The following NPR3 variants were observed in gnomAD, a reference collection of about 807,000 sequenced individuals.
NPR3 encodes atrial natriuretic peptide receptor 3.
A neutral mutation model predicts 54.5 loss-of-function variants in NPR3; 34 were observed. The observed-to-expected ratio is 0.62, with a 90% CI of 0.47 to 0.83. The LOEUF is 0.83. Among genes scored for constraint, NPR3 ranks in the 40% least tolerant of loss-of-function variants. NPR3 has a pLI of 0.00. For synonymous variants in NPR3, 289 were observed against 297.1 expected (o/e 0.97, Z 0.28); for missense variants, 674 against 720.8 (o/e 0.94, Z 0.74).
In NPR3 at chr5:32,766,316, G is replaced by GA. The variant is rs1741471657; in HGVS notation, c.1060-8386dup. Among the ~76,000 whole-genome samples the GA allele has an allele frequency of 2.6e-5, 4 of 152,236 alleles. No homozygotes were observed. The South Asian group carries it at 8.3e-4, about 32-fold the overall frequency. ...CAGCTCATGTTCCACTAGTGTGGAC[G>GA]AAAAAATAATATCTGAAAAACACAA... is the stretch of plus-strand genomic sequence containing the variant. On this transcript the variant is annotated intron_variant, in intron 3 of 7. Transcript: ENST00000265074.
At chr5:32,758,775 A>G (rs1740990357) in intron 3 of NPR3, among the ~76,000 whole-genome samples, 1 of 152,152 alleles carries the variant, frequency 6.6e-6, no homozygotes, top group Non-Finnish European at 1.5e-5. Context: ...AGTGCTTTAA[A>G]TGTGTCCCAA....
intron 2 of NPR3, among the ~76,000 whole-genome samples, chr5:32,734,365 T>C (rs537865639): frequency 6.6e-6 from 1 of 152,372 alleles, no homozygotes; most frequent in East Asian, 1.9e-4. Flanking sequence ...GAAAATTTAC[T>C]ATGTGCTAGG....
At chr5:32,737,224 T>C (rs959798653) in intron 2 of NPR3, among the ~76,000 whole-genome samples, 1 of 152,188 alleles carries the variant, frequency 6.6e-6, no homozygotes, top group African/African-American at 2.4e-5. Flanking sequence ...CTCTACTCTG[T>C]GTTGTTTCTT....
intron 1 of NPR3, chr5:32,716,793 C>T: frequency 6.5e-6 from 1 of 153,578 alleles, no homozygotes; most frequent in Non-Finnish European, 1.4e-5. Context: ...TGCTTAATTT[C>T]CTATGGATTT....
Position 32,764,120 on chromosome 5 carries a change from C to T in NPR3, c.1060-10588C>T, listed in dbSNP as rs142325790. On this transcript the variant is annotated intron_variant, in intron 3 of 7. Coordinates refer to ENST00000265074, the MANE Select transcript of NPR3 (RefSeq NM_001204375.2). The stretch of plus-strand genomic sequence containing the variant: ...AGAGGGCAGCAGTTCAGATGTTCCT[C>T]AGCTTCTCAGCCTACCCTCTTTCTA... Among the ~76,000 whole-genome samples the T allele has an allele frequency of 2.6e-3, 398 of 152,322 alleles. 1 individual carries two copies. Among genetic ancestry groups the T allele is most frequent in the African/African-American group, 9.2e-3 (383 of 41,580 alleles).
chr5:32,775,153 G>A (rs1356580399), intron 4 of NPR3, among the ~76,000 whole-genome samples: 1 of 152,176 alleles, frequency 6.6e-6, no homozygotes, highest in Non-Finnish European at 1.5e-5. Context: ...GTTCTGTGAT[G>A]AGTTTTAAAA....
chr5:32,737,616 G>A (rs1739817050), intron 2 of NPR3, among the ~76,000 whole-genome samples: 1 of 152,090 alleles, frequency 6.6e-6, no homozygotes, highest in Admixed American at 6.5e-5. Context: ...AGCTCTCCAG[G>A]AATCATAACA....
intron 3 of NPR3, among the ~76,000 whole-genome samples, chr5:32,740,585 C>G (rs1293385540): frequency 6.6e-6 from 1 of 150,386 alleles, no homozygotes; most frequent in Non-Finnish European, 1.5e-5. Flanking sequence ...TTAAAATTTT[C>G]TAGTTGACAT....
chr5:32,695,132 A>C (rs1426333123), intron 1 of NPR3, among the ~76,000 whole-genome samples: 1 of 152,190 alleles, frequency 6.6e-6, no homozygotes, highest in East Asian at 1.9e-4. Flanking sequence ...GTTACTTCTC[A>C]ATCTTCGCTA....
chr5:32,709,267 G>C (rs1196843036), upstream of NPR3: 9 of 152,106 alleles, frequency 5.9e-5, no homozygotes, highest in African/African-American at 2.2e-4. Context: ...CTACCACTGT[G>C]GCCAGTGGTA....
At chr5:32,739,998 A>G (rs1247964745) in intron 3 of NPR3, among the ~76,000 whole-genome samples, 4 of 152,196 alleles carry the variant, frequency 2.6e-5, no homozygotes, top group African/African-American at 9.7e-5. Flanking sequence ...CTCCAAGTTC[A>G]GCCCCCTGAG....
rs1453707866 is a variant in NPR3 at position 32,787,190 on chromosome 5, A to G, written c.*845A>G. 1.3e-5 allele frequency: 2 copies of G among 152,656 alleles called. No homozygotes were observed. Among genetic ancestry groups the G allele is most frequent in the Admixed American group, 1.3e-4 (2 of 15,278 alleles). The allele number at this position is 152,656 out of a possible 1,614,324, so 9.5% of individuals were successfully genotyped here. A position where few individuals can be genotyped will look rare whatever the true frequency, so the allele number is the denominator to read the frequency against. On this transcript the variant is annotated 3_prime_UTR_variant, in exon 8 of 8. Coordinates refer to ENST00000265074, the MANE Select transcript of NPR3 (RefSeq NM_001204375.2). ...TACAACAAACCAATAATGATAAAAA[A>G]TACTTCTCTTTTTCTCCCTGTTTCC... is the stretch of plus-strand genomic sequence containing the variant.
intron 3 of NPR3, among the ~76,000 whole-genome samples, chr5:32,765,477 T>A (rs568894489): frequency 8.1e-4 from 123 of 152,280 alleles, no homozygotes; most frequent in African/African-American, 2.9e-3. Flanking sequence ...ACGATGACAG[T>A]GGCAGGAAGT....
intron 1 of NPR3, among the ~76,000 whole-genome samples, chr5:32,720,711 A>G (rs1241634512): frequency 1.3e-5 from 2 of 152,190 alleles, no homozygotes; most frequent in African/African-American, 4.8e-5. Context: ...ACTGAGATAC[A>G]ACAAAAACTG....
chr5:32,780,701 T>G, intron 4 of NPR3, 21 bp from the exon 5 acceptor site: 1 of 1,114,676 alleles, frequency 9.0e-7, no homozygotes, highest in Non-Finnish European at 1.4e-6. Flanking sequence ...AACGTTGAGT[T>G]CTTCGCTTCT....
chr5:32,784,147 G>A (rs1742485673), intron 6 of NPR3, among the ~76,000 whole-genome samples: 1 of 152,132 alleles, frequency 6.6e-6, no homozygotes, highest in Non-Finnish European at 1.5e-5. Flanking sequence ...GTGAAAATAA[G>A]AAGCCCTGGG....
intron 1 of NPR3, chr5:32,716,796 A>G (rs1254727674): frequency 1.3e-5 from 2 of 153,720 alleles, no homozygotes; most frequent in Admixed American, 1.3e-4. Context: ...TTAATTTCCT[A>G]TGGATTTATA....
chr5:32,692,277 G>T (rs1196592873), intron 1 of NPR3, among the ~76,000 whole-genome samples: 2 of 152,118 alleles, frequency 1.3e-5, no homozygotes, highest in African/African-American at 4.8e-5. Context: ...AAGAAGAAAG[G>T]CATTTCCATG....
At chr5:32,731,370 C>T (rs921663240) in intron 2 of NPR3, among the ~76,000 whole-genome samples, 6 of 152,174 alleles carry the variant, frequency 3.9e-5, no homozygotes, top group African/African-American at 1.4e-4. Context: ...CTGCCATGAA[C>T]TAGCTGTTAA....
Sources: allele counts gnomAD v4.1 joint callset (sites outside exome capture counted in the v4.1 genomes callset), GRCh38; gene constraint gnomAD v4.1.1; transcripts MANE v1.5; gene names NCBI Gene and HGNC (gene_info 2026-07-23, HGNC 2026-07-21).